Variants in TTC1 observed in about 807,000 individuals in gnomAD.
TTC1 encodes the protein tetratricopeptide repeat domain 1, also known as tetratricopeptide repeat protein 1.
A neutral mutation model predicts 37.6 loss-of-function variants in TTC1; 31 were observed. That is an observed-to-expected ratio of 0.82 (90% CI 0.62 to 1.11). The LOEUF (loss-of-function observed/expected upper bound fraction) is 1.11. Ranked by LOEUF, TTC1 falls within the 50% of genes most tolerant of loss-of-function variation. The probability of loss-of-function intolerance (pLI) is 0.00; values close to 1 mark genes in which losing one functional copy is unlikely to be tolerated. For missense variants in TTC1, 351 were observed against 339.0 expected (o/e 1.04, Z -0.28); for synonymous variants, 127 against 122.4 (o/e 1.04, Z -0.25).
chr5:160,054,983 C>A (rs1463023980), intron 7 of TTC1, among the ~76,000 whole-genome samples: 4 of 152,310 alleles, frequency 2.6e-5, no homozygotes, highest in African/African-American at 9.6e-5. Context: ...CCTCAGGAGT[C>A]CCTTGAGAAG....
rs528217536 is a variant in TTC1 at position 160,013,603 on chromosome 5, C to T, written c.330+2745C>T. ...ACTAAAAATACAAAAATTAACTGGACGTGGTGGTGTGCGCCTGTAATCCCA... is the reference window on the plus strand; with the variant it reads ...ACTAAAAATACAAAAATTAACTGGATGTGGTGGTGTGCGCCTGTAATCCCA... On this transcript the variant is annotated intron_variant, in intron 2 of 7. Coordinates refer to ENST00000231238, the MANE Select transcript of TTC1 (RefSeq NM_003314.3). Among the ~76,000 whole-genome samples, 21 of 151,914 alleles carry T rather than the reference C, an allele frequency of 1.4e-4. No individual in the cohort carries two copies. The Middle Eastern group carries it at 0.01, about 74-fold the overall frequency.
At chr5:160,038,048 G>A (rs953940976) in intron 4 of TTC1, among the ~76,000 whole-genome samples, 1 of 151,740 alleles carries the variant, frequency 6.6e-6, no homozygotes. Flanking sequence ...GGTTGCGGGG[G>A]TGGGTGCTTG....
intron 5 of TTC1, among the ~76,000 whole-genome samples, chr5:160,048,155 T>C (rs1388560122): frequency 3.0e-5 from 1 of 33,486 alleles, no homozygotes; most frequent in East Asian, 1.4e-3. Context: ...TTTTTTTTTT[T>C]TTTTTTTGGG....
intron 5 of TTC1, among the ~76,000 whole-genome samples, chr5:160,048,126 CTTTTTTTTTTTTTTTTTTTTTTT>C (rs56201199): frequency 5.6e-5 from 2 of 35,538 alleles, no homozygotes; most frequent in Admixed American, 5.1e-4. Context: ...CAAGACATTG[CTTTTTTTTTTTTTTTTTTTTTTT>C]TTTTTTTTTT....
chr5:160,017,680 A>G (rs1478444962), intron 2 of TTC1, among the ~76,000 whole-genome samples: 2 of 152,120 alleles, frequency 1.3e-5, no homozygotes, highest in Non-Finnish European at 2.9e-5. Flanking sequence ...CTCATGTGTA[A>G]ATTTCCTAGG....
Position 160,049,577 on chromosome 5 carries a change from C to T in TTC1, c.605C>T (p.Thr202Met), listed in dbSNP as rs554395265. The change falls in exon 6 of 8, where the codon ACG becomes ATG. Residue 202 changes from threonine to methionine, a missense_variant. Transcript: ENST00000231238. Reference sequence around the variant, plus strand: ...AGGAGAGCAGAGTTGTATGAGAAGACGGACAAGCTAGATGAAGCCCTGGAA... The same window carrying T: ...AGGAGAGCAGAGTTGTATGAGAAGATGGACAAGCTAGATGAAGCCCTGGAA... ...ILRRAELYEK[T>M]DKLDEALEDY... The T allele has an allele frequency of 7.1e-5, 115 of 1,610,676 alleles. 1 individual carries two copies. The South Asian group carries it at 9.7e-4, about 14-fold the overall frequency.
chr5:160,055,499 A>G (rs1272860928), intron 7 of TTC1, among the ~76,000 whole-genome samples: 2 of 152,234 alleles, frequency 1.3e-5, no homozygotes, highest in Admixed American at 6.5e-5. Context: ...AAGCAAGTTA[A>G]CCTTTTGGAG....
chr5:160,040,774 A>AT lies in TTC1; in HGVS notation c.505-2347dup, dbSNP rs1036304855. ...GCTAATTTTGTTTGGTTTTCTTTTA[A>AT]TTTTTTTTTTTTAATTTTTTTAGAA... On this transcript the variant is annotated intron_variant, in intron 4 of 7. Coordinates refer to ENST00000231238, the MANE Select transcript of TTC1 (RefSeq NM_003314.3). 7.6e-4 allele frequency among the ~76,000 whole-genome samples: 110 copies of AT among 145,394 alleles called. 1 individual carries two copies. The highest frequency in any genetic ancestry group is 1.6e-3 in the Admixed American group (23 of 14,542).
intron 3 of TTC1, 107 bp downstream of exon 3, chr5:160,035,307 C>T: frequency 2.3e-6 from 2 of 865,802 alleles, no homozygotes; most frequent in Non-Finnish European, 3.3e-6. Context: ...CAAAACCAGA[C>T]TTCACAATAC....
intron 2 of TTC1, among the ~76,000 whole-genome samples, chr5:160,024,431 ACAT>A (rs1756765164): frequency 6.6e-6 from 1 of 152,186 alleles, no homozygotes; most frequent in Non-Finnish European, 1.5e-5. Flanking sequence ...TTTTCCATGA[ACAT>A]CATCTTTTCT....
chr5:160,019,960 G>T, intron 2 of TTC1, among the ~76,000 whole-genome samples: 1 of 151,706 alleles, frequency 6.6e-6, no homozygotes, highest in Admixed American at 6.6e-5. Context: ...ACAGAGTCTT[G>T]CCCTGTCGCC....
At chr5:160,054,842 T>C (rs1757501021) in intron 7 of TTC1, among the ~76,000 whole-genome samples, 1 of 152,094 alleles carries the variant, frequency 6.6e-6, no homozygotes, top group Admixed American at 6.5e-5. Flanking sequence ...CAGTAGTAAA[T>C]TTTTGCTCAC....
intron 2 of TTC1, among the ~76,000 whole-genome samples, chr5:160,014,478 AC>A (rs1756564202): frequency 6.6e-6 from 1 of 152,224 alleles, no homozygotes; most frequent in Admixed American, 6.5e-5. Context: ...AGCCTGGGCA[AC>A]ATAGTGAGAC....
intron 2 of TTC1, among the ~76,000 whole-genome samples, chr5:160,020,498 G>A (rs1167811040): frequency 6.6e-6 from 1 of 152,208 alleles, no homozygotes; most frequent in East Asian, 1.9e-4. Flanking sequence ...ACTGATACCA[G>A]TCTGTGGCCT....
chr5:160,010,841 T>C lies in TTC1; in HGVS notation c.313T>C (p.Ser105Pro). ...CCTAATAGAACTGGAAAAAAACATG[T>C]CGGATGAAGAGAAACAGGTAAGTAT... Reference protein sequence around the residue: ...EYLIELEKNMSDEEKQKRREE... With the variant: ...EYLIELEKNMPDEEKQKRREE... The change falls in exon 2 of 8, where the codon TCG (serine) becomes CCG (proline). Residue 105 changes from serine (S) to proline (P), a missense_variant. Ser to Pro is a moderately conservative substitution (Grantham distance 74, BLOSUM62 -1). Coordinates refer to ENST00000231238, the MANE Select transcript of TTC1 (RefSeq NM_003314.3). The C allele has an allele frequency of 2.5e-6, 4 of 1,612,172 alleles. No homozygotes were observed. Among genetic ancestry groups the C allele is most frequent in the Non-Finnish European group, 3.4e-6 (4 of 1,178,738 alleles).
At chr5:160,045,509 C>CACAT (rs1561634829) in intron 5 of TTC1, among the ~76,000 whole-genome samples, 1 of 76,092 alleles carries the variant, frequency 1.3e-5, no homozygotes, top group Non-Finnish European at 2.6e-5. Flanking sequence ...CACACACACA[C>CACAT]ACACATACAC....
At chr5:160,039,688 A>G (rs1757054348) in intron 4 of TTC1, among the ~76,000 whole-genome samples, 1 of 152,202 alleles carries the variant, frequency 6.6e-6, no homozygotes, top group Admixed American at 6.5e-5. Flanking sequence ...TGTACACATA[A>G]ATTGTAAAGA....
chr5:160,021,585 G>T (rs1215101786), intron 2 of TTC1, among the ~76,000 whole-genome samples: 1 of 152,152 alleles, frequency 6.6e-6, no homozygotes, highest in Non-Finnish European at 1.5e-5. Context: ...TGAGAGGCAG[G>T]TTCTAACTGT....
At chr5:160,045,960 C>T (rs776999501) in intron 5 of TTC1, among the ~76,000 whole-genome samples, 1 of 152,132 alleles carries the variant, frequency 6.6e-6, no homozygotes, top group Admixed American at 6.5e-5. Flanking sequence ...CCAGGCTGCT[C>T]TCGAACTCCT....
Sources: allele counts gnomAD v4.1 joint callset (sites outside exome capture counted in the v4.1 genomes callset), GRCh38; gene constraint gnomAD v4.1.1; transcripts MANE v1.5; gene names NCBI Gene and HGNC (gene_info 2026-07-23, HGNC 2026-07-21).